Variants in STRBP observed in about 807,000 individuals in gnomAD.
STRBP encodes spermatid perinuclear RNA-binding protein.
In STRBP, 13 loss-of-function variants were observed where a neutral mutation model predicts 80.1. That is an observed-to-expected ratio of 0.16 (90% confidence interval 0.11 to 0.26). The LOEUF (loss-of-function observed/expected upper bound fraction) is 0.26, where lower values mean the gene tolerates loss of function less well. Among genes scored for constraint, STRBP ranks in the 10% least tolerant of loss-of-function variants. STRBP has a pLI of 1.00. For missense variants in STRBP, 485 were observed against 815.2 expected (o/e 0.59, Z 4.93); for synonymous variants, 284 against 291.2 (o/e 0.98, Z 0.25).
downstream of STRBP, among the ~76,000 whole-genome samples, chr9:123,120,408 G>A (rs2035711844): frequency 6.9e-6 from 1 of 145,652 alleles, no homozygotes; most frequent in Non-Finnish European, 1.5e-5. Flanking sequence ...CACAGAGCAG[G>A]TTGTTTTCAG....
chr9:123,266,779 G>T (rs1189076083), intron 1 of STRBP, among the ~76,000 whole-genome samples: 1 of 151,744 alleles, frequency 6.6e-6, no homozygotes, highest in Non-Finnish European at 1.5e-5. Flanking sequence ...ATACACCTCT[G>T]CCTTGCCCTT....
intron 14 of STRBP, among the ~76,000 whole-genome samples, chr9:123,137,669 A>C (rs537417504): frequency 6.6e-6 from 1 of 152,304 alleles, no homozygotes; most frequent in South Asian, 2.1e-4. Context: ...CAGCCTCCCA[A>C]AGTGCTGGGA....
At position 123,243,266 on chromosome 9, in the gene STRBP, A is replaced by C. The variant is rs868357088; in HGVS notation, c.-301-6300T>G. ...TAGAGGAATTAGACATCAATAAGACAAAAAAAAAAAAAAAAAAAGAAAAAT... is the reference window on the plus strand; with the variant it reads ...TAGAGGAATTAGACATCAATAAGACCAAAAAAAAAAAAAAAAAAGAAAAAT... On this transcript the variant is annotated intron_variant, in intron 1 of 18. Coordinates refer to ENST00000348403, the MANE Select transcript of STRBP (RefSeq NM_018387.5). 1.3e-4 allele frequency among the ~76,000 whole-genome samples: 10 copies of C among 74,104 alleles called. No individual in the cohort carries two copies. In the African/African-American group the frequency reaches 1.9e-3, roughly 14 times the overall value. 48.6% of individuals were successfully genotyped at this position (74,104 alleles called of 152,430 possible).
intron 2 of STRBP, among the ~76,000 whole-genome samples, chr9:123,227,567 CTTT>C (rs113678606): frequency 3.5e-5 from 4 of 113,440 alleles, no homozygotes; most frequent in African/African-American, 6.6e-5. Context: ...TTTTTTTTTT[CTTT>C]TTTTTTTTTT....
intron 11 of STRBP, 77 bp downstream of exon 11, chr9:123,157,935 T>C (rs2037359466): frequency 4.7e-6 from 5 of 1,058,072 alleles, no homozygotes; most frequent in African/African-American, 4.7e-5. Context: ...GTTCCCTAAG[T>C]TGTAATGAGA....
At chr9:123,154,887 T>A (rs565154417) in intron 11 of STRBP, among the ~76,000 whole-genome samples, 5 of 152,342 alleles carry the variant, frequency 3.3e-5, no homozygotes, top group South Asian at 2.1e-4. Context: ...TTGCAGGACC[T>A]ACAGAATCAA....
At chr9:123,258,374 T>C (rs2041081407) in intron 1 of STRBP, among the ~76,000 whole-genome samples, 2 of 151,924 alleles carry the variant, frequency 1.3e-5, no homozygotes, top group Non-Finnish European at 1.5e-5. Context: ...GCCATTTTAA[T>C]AGGGTGGTAA....
downstream of STRBP, among the ~76,000 whole-genome samples, chr9:123,120,080 A>G (rs1367672520): frequency 1.3e-5 from 2 of 152,158 alleles, no homozygotes; most frequent in Non-Finnish European, 2.9e-5. Context: ...CTATTAAGAA[A>G]GGAAGGGACT....
intron 3 of STRBP, chr9:123,114,436 C>T (rs1312003663): frequency 6.0e-6 from 1 of 167,090 alleles, no homozygotes; most frequent in Non-Finnish European, 1.5e-5. Context: ...TAAAAATGAA[C>T]ACAAATGGAT....
chr9:123,209,557 T>A (rs570565627), intron 2 of STRBP, among the ~76,000 whole-genome samples: 1 of 152,208 alleles, frequency 6.6e-6, no homozygotes, highest in Admixed American at 6.5e-5. Flanking sequence ...AAGTTCACCA[T>A]GTACACTTTC....
intron 13 of STRBP, among the ~76,000 whole-genome samples, chr9:123,139,983 A>G (rs1264519568): frequency 3.3e-5 from 5 of 152,210 alleles, no homozygotes; most frequent in Admixed American, 3.3e-4. Context: ...AGGTAGAGAA[A>G]ACAAACAGGA....
At chr9:123,167,624 C>G (rs991967739) in intron 6 of STRBP, among the ~76,000 whole-genome samples, 1 of 151,344 alleles carries the variant, frequency 6.6e-6, no homozygotes, top group African/African-American at 2.4e-5. Context: ...TTAAGGACAA[C>G]AGCAAAGCAA....
At chr9:123,148,008 A>T in intron 11 of STRBP, 138 bp from the exon 12 acceptor site, 1 of 678,774 alleles carries the variant, frequency 1.5e-6, no homozygotes, top group Non-Finnish European at 2.3e-6. Context: ...GATCAGTTAA[A>T]TTACCATTAT....
At chr9:123,160,324 C>A in intron 8 of STRBP, 43 bp downstream of exon 8, 1 of 1,430,406 alleles carries the variant, frequency 7.0e-7, no homozygotes, top group Non-Finnish European at 9.5e-7. Context: ...ATTTTCTCTG[C>A]TACAGCTTCC....
Position 123,239,705 on chromosome 9 carries a change from G to T in STRBP, c.-301-2739C>A, listed in dbSNP as rs774958204. Among the ~76,000 whole-genome samples, 99 of 152,142 alleles carry T rather than the reference G, an allele frequency of 6.5e-4. 1 individual carries two copies. The highest frequency in any genetic ancestry group is 2.8e-4 in the Non-Finnish European group (19 of 68,032). On this transcript the variant is annotated intron_variant, in intron 1 of 18. Coordinates refer to ENST00000348403, the MANE Select transcript of STRBP (RefSeq NM_018387.5). ...TACAATTTACTAAATGTCTGGCACT[G>T]ACCTAGGAACTATACACATAAGTTT...
intron 2 of STRBP, among the ~76,000 whole-genome samples, chr9:123,192,793 T>C (rs746305682): frequency 8.5e-5 from 13 of 152,310 alleles, no homozygotes; most frequent in Non-Finnish European, 1.6e-4. Context: ...CAGCCCATCA[T>C]TGAGGAAAAT....
chr9:123,200,591 G>A (rs1302119212), intron 2 of STRBP, among the ~76,000 whole-genome samples: 6 of 146,864 alleles, frequency 4.1e-5, no homozygotes, highest in African/African-American at 1.0e-4. Flanking sequence ...TTTTTGAGAC[G>A]GAATCTCACT....
chr9:123,143,034 T>C (rs756700779), intron 13 of STRBP, among the ~76,000 whole-genome samples: 21 of 152,152 alleles, frequency 1.4e-4, no homozygotes, highest in African/African-American at 4.8e-4. Flanking sequence ...TACCCTCGAA[T>C]ACTAGGGGCC....
chr9:123,238,798 G>C (rs1389482502), intron 1 of STRBP, among the ~76,000 whole-genome samples: 1 of 152,016 alleles, frequency 6.6e-6, no homozygotes, highest in Non-Finnish European at 1.5e-5. Flanking sequence ...ACACAAAAGA[G>C]AAAAGCTATA....
Sources: allele counts gnomAD v4.1 joint callset (sites outside exome capture counted in the v4.1 genomes callset), GRCh38; gene constraint gnomAD v4.1.1; transcripts MANE v1.5; gene names NCBI Gene and HGNC (gene_info 2026-07-23, HGNC 2026-07-21).